NFATC3: variants seen among roughly 807,000 people sequenced by gnomAD.
NFATC3 encodes nuclear factor of activated T cells 3.
NFATC3 carries 46 observed loss-of-function variants against 98.6 expected under a neutral mutation model. That is an observed-to-expected ratio of 0.47 (90% CI 0.37 to 0.60). The LOEUF (loss-of-function observed/expected upper bound fraction) is 0.60, where lower values mean the gene tolerates loss of function less well. Among genes scored for constraint, NFATC3 ranks in the 20% least tolerant of loss-of-function variants. The pLI is 0.00. For missense variants in NFATC3, 1,256 were observed against 1,295.5 expected (o/e 0.97, Z 0.47); for synonymous variants, 512 against 472.2 (o/e 1.08, Z -1.09).
chr16:68,171,141 G>A (rs2039440923), intron 5 of NFATC3, among the ~76,000 whole-genome samples: 1 of 152,102 alleles, frequency 6.6e-6, no homozygotes, highest in South Asian at 2.1e-4. Context: ...CCGAATAGCT[G>A]TGATTACAGG....
chr16:68,167,337 A>G (rs1224089925), intron 5 of NFATC3, among the ~76,000 whole-genome samples: 1 of 152,258 alleles, frequency 6.6e-6, no homozygotes, highest in East Asian at 1.9e-4. Flanking sequence ...GCTATGATTC[A>G]GATGCTTTTA....
rs188651205 is a variant in NFATC3, at chr16:68,114,992, G to A, written c.104-6995G>A. Among the ~76,000 whole-genome samples the A allele has an allele frequency of 5.9e-4, 90 of 152,082 alleles. 1 individual carries two copies. The Middle Eastern group carries it at 0.031, about 52-fold the overall frequency. Reference sequence around the variant, plus strand: ...TGCTGAAAGGCTAATAGTCTTGTAAGTTTTTCTCTGAACATATTTCCGTGG... The same window carrying A: ...TGCTGAAAGGCTAATAGTCTTGTAAATTTTTCTCTGAACATATTTCCGTGG... On this transcript the variant is annotated intron_variant, in intron 1 of 9. Transcript: ENST00000346183.
intron 9 of NFATC3, among the ~76,000 whole-genome samples, chr16:68,203,990 C>A (rs530874677): frequency 2.6e-4 from 39 of 152,188 alleles, no homozygotes; most frequent in African/African-American, 8.9e-4. Flanking sequence ...GAGTTTGACA[C>A]CAGGCTAGCC....
In NFATC3 at chr16:68,098,309, T is replaced by A. The variant is rs74599022; in HGVS notation, c.103+12525T>A. Among the ~76,000 whole-genome samples the A allele has an allele frequency of 2.1e-4, 28 of 136,020 alleles. No individual in the cohort carries two copies. In the South Asian group the frequency reaches 3.7e-3, roughly 18 times the overall value. 89.2% of individuals were successfully genotyped at this position (136,020 alleles called of 152,430 possible). On this transcript the variant is annotated intron_variant, in intron 1 of 9. Transcript: ENST00000346183. ...TATTATTATTATTATTATTTTTTTT[T>A]TTTTTTTTTTAGATGGAGTCTCACT...
At chr16:68,178,562 CAAAT>C (rs2039819920) in intron 6 of NFATC3, among the ~76,000 whole-genome samples, 2 of 152,220 alleles carry the variant, frequency 1.3e-5, no homozygotes, top group African/African-American at 4.8e-5. Flanking sequence ...CACCTATAAA[CAAAT>C]AAATGAACAA....
intron 4 of NFATC3, among the ~76,000 whole-genome samples, chr16:68,160,152 C>G (rs1464453245): frequency 2.0e-5 from 3 of 152,052 alleles, no homozygotes; most frequent in Non-Finnish European, 2.9e-5. Context: ...TTTAGATGAG[C>G]TGAGTGTACT....
intron 2 of NFATC3, among the ~76,000 whole-genome samples, chr16:68,123,445 G>A (rs1411583094): frequency 6.7e-6 from 1 of 149,204 alleles, no homozygotes; most frequent in African/African-American, 2.5e-5. Flanking sequence ...AGGATTGCTT[G>A]AGCCCAGGAG....
intron 1 of NFATC3, among the ~76,000 whole-genome samples, chr16:68,105,818 C>T (rs975082515): frequency 7.2e-5 from 11 of 152,062 alleles, no homozygotes; most frequent in African/African-American, 2.2e-4. Flanking sequence ...CTCTGTATAT[C>T]TAGGAGTTTG....
chr16:68,138,531 T>A (rs1479384154), intron 3 of NFATC3: 2 of 1,285,986 alleles, frequency 1.6e-6, no homozygotes. Flanking sequence ...TACGTTCATC[T>A]TTTGATGTCG....
intron 1 of NFATC3, among the ~76,000 whole-genome samples, chr16:68,118,161 C>G (rs891295692): frequency 2.0e-5 from 3 of 152,204 alleles, no homozygotes; most frequent in African/African-American, 7.2e-5. Flanking sequence ...CCCGCTGACT[C>G]TCTTTCTTTG....
chr16:68,147,107 C>T (rs1235571706), intron 3 of NFATC3, among the ~76,000 whole-genome samples: 1 of 152,104 alleles, frequency 6.6e-6, no homozygotes, highest in East Asian at 1.9e-4. Context: ...TGAGTGATTA[C>T]CTTCCCCCAA....
intron 1 of NFATC3, among the ~76,000 whole-genome samples, chr16:68,104,771 C>T (rs977269216): frequency 2.6e-5 from 4 of 151,614 alleles, no homozygotes; most frequent in Non-Finnish European, 5.9e-5. Flanking sequence ...TCTCCTGCCT[C>T]AGCCTCCCAA....
chr16:68,142,383 T>C (rs920269307), intron 3 of NFATC3, among the ~76,000 whole-genome samples: 1 of 152,204 alleles, frequency 6.6e-6, no homozygotes, highest in African/African-American at 2.4e-5. Flanking sequence ...TTAGCTTGGT[T>C]GTTGTTGGTG....
intron 3 of NFATC3, among the ~76,000 whole-genome samples, chr16:68,136,366 C>T (rs1012367599): frequency 6.6e-6 from 1 of 152,040 alleles, no homozygotes; most frequent in African/African-American, 2.4e-5. Flanking sequence ...TTTCTGGGCT[C>T]AAGCGATCCT....
intron 3 of NFATC3, among the ~76,000 whole-genome samples, chr16:68,137,150 C>T (rs1028907406): frequency 6.6e-6 from 1 of 152,040 alleles, no homozygotes; most frequent in South Asian, 2.1e-4. Context: ...TTAAAAAAAT[C>T]TTTTGTCTTT....
intron 1 of NFATC3, among the ~76,000 whole-genome samples, chr16:68,114,795 G>A (rs2036183629): frequency 6.6e-6 from 1 of 152,036 alleles, no homozygotes; most frequent in African/African-American, 2.4e-5. Flanking sequence ...GGATAGTCTC[G>A]AACTCCTGAT....
At chr16:68,175,158 G>A (rs1490662163) in intron 6 of NFATC3, among the ~76,000 whole-genome samples, 1 of 152,158 alleles carries the variant, frequency 6.6e-6, no homozygotes, top group Non-Finnish European at 1.5e-5. Context: ...CTAAGTGAAG[G>A]AAGCCAGCAT....
chr16:68,181,670 C>T (rs755599630), intron 7 of NFATC3, 140 bp downstream of exon 7: 48 of 588,890 alleles, frequency 8.2e-5, no homozygotes, highest in Admixed American at 3.3e-4. Flanking sequence ...GTGGCTCATG[C>T]CTGTAATCCC....
At position 68,191,671 on chromosome 16, in the gene NFATC3, C is replaced by T. The variant is rs150160408; in HGVS notation, c.3002C>T (p.Ala1001Val). 2.2e-5 allele frequency: 35 copies of T among 1,613,980 alleles called. No homozygotes were observed. The highest frequency in any genetic ancestry group is 2.3e-5 in the Non-Finnish European group (27 of 1,180,018). Residue 1001 changes from alanine (A) to valine (V), a missense_variant, in exon 9 of 10, where the codon GCG (alanine) becomes GTG (valine). By Grantham distance (64) the Ala-to-Val change is moderately conservative. Coordinates refer to ENST00000346183, the MANE Select transcript of NFATC3 (RefSeq NM_173165.3). ...ATATGTCACAGTTTGTGTGATCCAG[C>T]GTCATTTCCACCTGATGGGGCAACT... ...SLICHSLCDPASFPPDGATVS... is the reference protein window; with the variant it reads ...SLICHSLCDPVSFPPDGATVS...
Sources: allele counts gnomAD v4.1 joint callset (sites outside exome capture counted in the v4.1 genomes callset), GRCh38; gene constraint gnomAD v4.1.1; transcripts MANE v1.5; gene names NCBI Gene and HGNC (gene_info 2026-07-23, HGNC 2026-07-21).